PLB1: variants seen among roughly 807,000 people sequenced by gnomAD.
PLB1 encodes the protein phospholipase B1.
A neutral mutation model predicts 227.4 loss-of-function variants in PLB1; 242 were observed. The ratio of observed to expected loss-of-function variants is 1.06; its 90% CI spans 0.96 to 1.18. PLB1 has a LOEUF of 1.18. Ranked by LOEUF, PLB1 falls within the 50% of genes most tolerant of loss-of-function variation. PLB1 has a pLI of 0.00. For synonymous variants in PLB1, 757 were observed against 682.2 expected (o/e 1.11, Z -1.71); for missense variants, 1,858 against 1,816.3 (o/e 1.02, Z -0.42).
rs1236374295 is a variant in PLB1 at position 28,625,111 on chromosome 2, G to C, written c.3579+3G>C. On this transcript the variant is annotated splice_donor_region_variant and intron_variant, in intron 50 of 57. Coordinates refer to ENST00000327757, the MANE Select transcript of PLB1 (RefSeq NM_153021.5). ...TAGAGCGAATGAAAAACAGCCCCGT[G>C]AGTACAGGCCCCCAGGCCACCCCTG... The C allele has an allele frequency of 6.2e-7, 1 of 1,612,974 alleles. No individual in the cohort carries two copies. The highest frequency in any genetic ancestry group is 2.2e-5 in the East Asian group (1 of 44,766).
chr2:28,615,270 T>C (rs146558187), intron 44 of PLB1, among the ~76,000 whole-genome samples: 20 of 151,372 alleles, frequency 1.3e-4, no homozygotes, highest in Non-Finnish European at 2.1e-4. Context: ...AGATCAGGAG[T>C]GCCAAGGAGC....
chr2:28,522,337 G>A (rs1484905836), intron 4 of PLB1, among the ~76,000 whole-genome samples: 2 of 152,014 alleles, frequency 1.3e-5, no homozygotes, highest in Admixed American at 6.6e-5. Flanking sequence ...CTCCCCACCC[G>A]CATTCTCTCT....
chr2:28,605,962 G>A lies in PLB1; in HGVS notation c.3057+14G>A. On this transcript the variant is annotated intron_variant, in intron 42 of 57. Transcript: ENST00000327757. ...TGGACCAATATGGTAAAATAAGTGG[G>A]GTGTTCCTTGTTCTCTGGGGTTCTA... 6.3e-7 allele frequency: 1 copy of A among 1,580,704 alleles called. No homozygotes were observed. The highest frequency in any genetic ancestry group is 8.7e-7 in the Non-Finnish European group (1 of 1,149,768).
At chr2:28,553,181 G>A (rs1558742827) in intron 17 of PLB1, among the ~76,000 whole-genome samples, 190 bp downstream of exon 17, 1 of 152,196 alleles carries the variant, frequency 6.6e-6, no homozygotes, top group Non-Finnish European at 1.5e-5. Flanking sequence ...ATCATTATCA[G>A]AAAGCATTTA....
At chr2:28,589,885 A>G in intron 28 of PLB1, 115 bp downstream of exon 28, 2 of 1,347,576 alleles carry the variant, frequency 1.5e-6, no homozygotes, top group Non-Finnish European at 2.1e-6. Flanking sequence ...ATGCACGGCA[A>G]TGACAAACAA....
At chr2:28,609,905 C>T (rs1386516658) in intron 43 of PLB1, among the ~76,000 whole-genome samples, 1 of 152,142 alleles carries the variant, frequency 6.6e-6, no homozygotes, top group East Asian at 1.9e-4. Context: ...ATTCTCATCA[C>T]TTTGTACGTT....
Position 28,532,155 on chromosome 2 carries a change from T to G in PLB1, c.516T>G (p.Ser172Arg). ...FDWKLINVFF[S>R]NASQCYLCPS... ...GGAAGCTCATCAATGTGTTCTTCAG[T>G]AATGCAAGCCAGTGTTACCTGTGCC... The change falls in exon 9 of 58, where the codon AGT (serine) becomes AGG (arginine). Residue 172 changes from serine to arginine, a missense_variant. Physicochemically the swap from Ser to Arg is moderately radical, Grantham distance 110. Transcript: ENST00000327757. The G allele has an allele frequency of 6.2e-7, 1 of 1,613,456 alleles. No homozygotes were observed. Among genetic ancestry groups the G allele is most frequent in the South Asian group, 1.1e-5 (1 of 90,866 alleles).
At chr2:28,498,480 C>T (rs867022817) in intron 1 of PLB1, among the ~76,000 whole-genome samples, 3 of 152,146 alleles carry the variant, frequency 2.0e-5, no homozygotes, top group Non-Finnish European at 4.4e-5. Context: ...AGGCTAGTCT[C>T]GAACTCCTGG....
chr2:28,519,782 T>G lies in PLB1; in HGVS notation c.243+19T>G, dbSNP rs780403727. 6.3e-7 allele frequency: 1 copy of G among 1,599,864 alleles called. No individual in the cohort carries two copies. Among genetic ancestry groups the G allele is most frequent in the South Asian group, 1.1e-5 (1 of 90,738 alleles). ...GGAAATTGTGAGTATTTGAAGTAGC[T>G]TGGGGCAGGAGACAGAGTTTGGTAC... is the stretch of plus-strand genomic sequence containing the variant. On this transcript the variant is annotated intron_variant, in intron 4 of 57. Coordinates refer to ENST00000327757, the MANE Select transcript of PLB1 (RefSeq NM_153021.5).
chr2:28,577,267 C>T (rs911930326), intron 21 of PLB1, among the ~76,000 whole-genome samples: 1 of 152,178 alleles, frequency 6.6e-6, no homozygotes, highest in African/African-American at 2.4e-5. Flanking sequence ...AGTGACCCTC[C>T]AAGATCAGTG....
At chr2:28,631,951 C>T (rs897449621) in intron 54 of PLB1, 85 bp from the exon 55 acceptor site, 3 of 1,186,092 alleles carry the variant, frequency 2.5e-6, no homozygotes, top group African/African-American at 1.5e-5. Flanking sequence ...TGACTCCCGT[C>T]AACAACCAAT....
At chr2:28,641,051 G>T in intron 57 of PLB1, 50 bp downstream of exon 57, 1 of 1,563,396 alleles carries the variant, frequency 6.4e-7, no homozygotes, top group Non-Finnish European at 8.8e-7. Flanking sequence ...CTGGGGTGGG[G>T]GTTGTCCTGT....
At chr2:28,563,148 AATATGAGAACCTGGAGAGGAAAATG>A in intron 18 of PLB1, 49 bp downstream of exon 18, 3 of 1,550,540 alleles carry the variant, frequency 1.9e-6, no homozygotes, top group Non-Finnish European at 2.7e-6. Flanking sequence ...GATTTTGACT[AATATGAGAACCTGGAGAGGAAAATG>A]GAGAGAGAAG....
intron 52 of PLB1, 31 bp from the exon 53 acceptor site, chr2:28,629,063 C>G: frequency 1.9e-6 from 3 of 1,594,960 alleles, no homozygotes; most frequent in African/African-American, 1.3e-5. Context: ...GTAGCCAGTG[C>G]CCTAACGAAA....
intron 20 of PLB1, among the ~76,000 whole-genome samples, chr2:28,572,336 T>G (rs1321945424): frequency 6.6e-6 from 1 of 152,174 alleles, no homozygotes; most frequent in African/African-American, 2.4e-5. Context: ...TTGGGAAAAG[T>G]CCTGGCAGTT....
chr2:28,579,737 C>A (rs373171424), intron 23 of PLB1, 30 bp downstream of exon 23: 7 of 1,575,272 alleles, frequency 4.4e-6, no homozygotes, highest in Non-Finnish European at 6.1e-6. Context: ...ACTCAAGACT[C>A]ACCCCCAGAG....
rs1223227136 is a variant in PLB1 at position 28,525,755 on chromosome 2, G to A, written c.285-150G>A. 4.4e-6 allele frequency: 4 copies of A among 915,428 alleles called. No homozygotes were observed. The East Asian group carries it at 1.1e-4, about 24-fold the overall frequency. 56.7% of individuals were successfully genotyped at this position (915,428 alleles called of 1,614,324 possible). On this transcript the variant is annotated intron_variant, in intron 5 of 57. Coordinates refer to ENST00000327757, the MANE Select transcript of PLB1 (RefSeq NM_153021.5). ...TTTTGGCTACTCCATGGCCACTTGA[G>A]GTGTGCCTATAACCCCTGGGAGGAT...
Position 28,569,703 on chromosome 2 carries a change from C to T in PLB1, c.1324+2864C>T, listed in dbSNP as rs557450419. Reference sequence around the variant, plus strand: ...ATCTGAGGCCAGGCGTGGTGGCTCACGCCTGTAATCCCAGCACTTTGGGAG... The same window carrying T: ...ATCTGAGGCCAGGCGTGGTGGCTCATGCCTGTAATCCCAGCACTTTGGGAG... On this transcript the variant is annotated intron_variant, in intron 20 of 57. Coordinates refer to ENST00000327757, the MANE Select transcript of PLB1 (RefSeq NM_153021.5). Among the ~76,000 whole-genome samples the T allele has an allele frequency of 1.1e-4, 17 of 152,244 alleles. No individual in the cohort carries two copies. The South Asian group carries it at 2.9e-3, about 26-fold the overall frequency.
intron 44 of PLB1, among the ~76,000 whole-genome samples, chr2:28,615,927 C>T (rs1171846149): frequency 2.0e-5 from 3 of 152,186 alleles, no homozygotes; most frequent in Admixed American, 1.3e-4. Flanking sequence ...TCTGAGGTAA[C>T]GTGAATGAGC....
Sources: allele counts gnomAD v4.1 joint callset (sites outside exome capture counted in the v4.1 genomes callset), GRCh38; gene constraint gnomAD v4.1.1; transcripts MANE v1.5; gene names NCBI Gene and HGNC (gene_info 2026-07-23, HGNC 2026-07-21).